The following SLC25A13 variants were observed in gnomAD, a reference collection of about 807,000 sequenced individuals.
SLC25A13 encodes solute carrier family 25 member 13, also known as electrogenic aspartate/glutamate antiporter SLC25A13, mitochondrial.
In SLC25A13, 70 loss-of-function variants were observed where a neutral mutation model predicts 85.5. The ratio of observed to expected loss-of-function variants is 0.82; its 90% confidence interval spans 0.68 to 1.00. SLC25A13 has a LOEUF of 1.00. SLC25A13 is among the 50% of genes least tolerant of loss of function. The probability of loss-of-function intolerance (pLI) is 0.00; values close to 1 mark genes in which losing one functional copy is unlikely to be tolerated. For synonymous variants in SLC25A13, 259 were observed against 288.7 expected, an observed-to-expected ratio of 0.90 and a Z score of 1.04; for missense variants, 765 against 819.8, an observed-to-expected ratio of 0.93 and a Z score of 0.82.
chr7:96,184,546 T>G, intron 10 of SLC25A13, 111 bp from the exon 11 acceptor site: 1 of 1,047,958 alleles, frequency 9.5e-7, no homozygotes, highest in Non-Finnish European at 1.4e-6. Flanking sequence ...TTTTGAATTT[T>G]AAATACAGAT....
At chr7:96,211,499 T>C (rs941491535) in intron 4 of SLC25A13, among the ~76,000 whole-genome samples, 3 of 152,216 alleles carry the variant, frequency 2.0e-5, no homozygotes, top group Admixed American at 6.5e-5. Context: ...CATTACATAG[T>C]ATGCATATGT....
chr7:96,132,939 T>G (rs1279824587), intron 14 of SLC25A13, among the ~76,000 whole-genome samples: 2 of 152,240 alleles, frequency 1.3e-5, no homozygotes, highest in African/African-American at 2.4e-5. Flanking sequence ...TTTGTTTTCC[T>G]GACACGCACA....
chr7:96,218,630 A>G (rs931912186), intron 4 of SLC25A13, among the ~76,000 whole-genome samples: 1 of 152,230 alleles, frequency 6.6e-6, no homozygotes, highest in African/African-American at 2.4e-5. Flanking sequence ...TCTATGAAAA[A>G]GAGTTTCTCA....
At chr7:96,167,628 T>C (rs866517572) in intron 13 of SLC25A13, among the ~76,000 whole-genome samples, 1 of 152,174 alleles carries the variant, frequency 6.6e-6, no homozygotes, top group Admixed American at 6.5e-5. Flanking sequence ...CACCTAGCAA[T>C]GCTTGGATGA....
At chr7:96,134,801 A>G (rs1462235868) in intron 14 of SLC25A13, among the ~76,000 whole-genome samples, 1 of 143,662 alleles carries the variant, frequency 7.0e-6, no homozygotes, top group Non-Finnish European at 1.5e-5. Context: ...TTTTATATAT[A>G]TATATATATA....
intron 9 of SLC25A13, among the ~76,000 whole-genome samples, chr7:96,187,990 C>T (rs1462015077): frequency 6.6e-6 from 1 of 152,174 alleles, no homozygotes; most frequent in East Asian, 1.9e-4. Context: ...TATCAACAAG[C>T]ACCCATCATA....
intron 2 of SLC25A13, among the ~76,000 whole-genome samples, chr7:96,291,747 A>C (rs1350705141): frequency 6.6e-6 from 1 of 152,228 alleles, no homozygotes; most frequent in Non-Finnish European, 1.5e-5. Context: ...GAATCCCTGA[A>C]TAGACCAATA....
chr7:96,234,767 A>G (rs1320756192), intron 4 of SLC25A13, 35 bp downstream of exon 4: 4 of 1,502,664 alleles, frequency 2.7e-6, no homozygotes, highest in Non-Finnish European at 3.7e-6. Context: ...ACAAGTCCAC[A>G]CTTACACAGA....
chr7:96,234,004 C>A (rs759803477), intron 4 of SLC25A13, among the ~76,000 whole-genome samples: 10 of 152,172 alleles, frequency 6.6e-5, no homozygotes, highest in Non-Finnish European at 1.2e-4. Flanking sequence ...GCCTAAAGGG[C>A]TCCAAAATTC....
chr7:96,233,111 T>C (rs1191113721), intron 4 of SLC25A13, among the ~76,000 whole-genome samples: 1 of 152,180 alleles, frequency 6.6e-6, no homozygotes, highest in Non-Finnish European at 1.5e-5. Context: ...TGAAGCCCAT[T>C]TCTCAGTCCT....
intron 3 of SLC25A13, among the ~76,000 whole-genome samples, chr7:96,262,054 G>A (rs1797874097): frequency 6.6e-6 from 1 of 152,112 alleles, no homozygotes; most frequent in Admixed American, 6.6e-5. Flanking sequence ...TGAACTTTCA[G>A]GACACATTCA....
chr7:96,131,748 A>G lies in SLC25A13; in HGVS notation c.1586T>C (p.Ile529Thr). ...ACTCCATGGGGGACACTCACCAGCT[A>G]TGGCACCAGCTAAGAGCAGGCTTCC... The part of the protein sequence containing the change: ...SPGSLLLAGA[I>T]AGMPAASLVT... Residue 529 changes from isoleucine (I) to threonine (T), a missense_variant, in exon 15 of 18, where the codon ATA becomes ACA. Physicochemically the swap from Ile to Thr is moderately conservative, Grantham distance 89 (BLOSUM62 -1). Transcript: ENST00000265631. The G allele has an allele frequency of 6.2e-7, 1 of 1,614,052 alleles. No individual in the cohort carries two copies. Among genetic ancestry groups the G allele is most frequent in the Non-Finnish European group, 8.5e-7 (1 of 1,179,972 alleles).
chr7:96,165,916 G>A (rs1351774298), intron 13 of SLC25A13, among the ~76,000 whole-genome samples: 2 of 152,220 alleles, frequency 1.3e-5, no homozygotes, highest in Admixed American at 6.5e-5. Flanking sequence ...TGTATGAGAT[G>A]AGTAATAAAA....
chr7:96,216,912 A>G (rs1448954888), intron 4 of SLC25A13, among the ~76,000 whole-genome samples: 1 of 152,208 alleles, frequency 6.6e-6, no homozygotes, highest in African/African-American at 2.4e-5. Flanking sequence ...AAAGTTTAAA[A>G]AAAAGAGAGA....
At chr7:96,289,558 C>A (rs1323009749) in intron 2 of SLC25A13, among the ~76,000 whole-genome samples, 1 of 152,126 alleles carries the variant, frequency 6.6e-6, no homozygotes, top group African/African-American at 2.4e-5. Flanking sequence ...GTAGAGAAGT[C>A]CTTAAATGAC....
chr7:96,283,598 G>A lies in SLC25A13; in HGVS notation c.70-6260C>T, dbSNP rs539962191. 19 of 316,692 alleles carry A rather than the reference G, an allele frequency of 6.0e-5. No individual in the cohort carries two copies. In the East Asian group the frequency reaches 1.6e-3, roughly 27 times the overall value. The allele number at this position is 316,692 out of a possible 1,614,324, so 19.6% of individuals were successfully genotyped here. Reference sequence around the variant, plus strand: ...GCACTGTTGTAAACAACAAGTTAAGGGCAAGACTCTTGCTAAGAGAATCAA... The same window carrying A: ...GCACTGTTGTAAACAACAAGTTAAGAGCAAGACTCTTGCTAAGAGAATCAA... On this transcript the variant is annotated intron_variant, in intron 2 of 17. Coordinates refer to ENST00000265631, the MANE Select transcript of SLC25A13 (RefSeq NM_014251.3).
At chr7:96,180,258 G>T (rs1378647581) in intron 11 of SLC25A13, among the ~76,000 whole-genome samples, 1 of 152,132 alleles carries the variant, frequency 6.6e-6, no homozygotes, top group Non-Finnish European at 1.5e-5. Flanking sequence ...CTCTTTCTGG[G>T]AGATTTTCTT....
intron 3 of SLC25A13, among the ~76,000 whole-genome samples, chr7:96,267,708 G>C (rs907510780): frequency 6.6e-6 from 1 of 151,858 alleles, no homozygotes; most frequent in Non-Finnish European, 1.5e-5. Context: ...CAGCTACTGG[G>C]GAGGCTGAAG....
intron 3 of SLC25A13, among the ~76,000 whole-genome samples, chr7:96,246,286 T>G (rs1797186140): frequency 6.6e-6 from 1 of 152,258 alleles, no homozygotes. Flanking sequence ...TTTTAGTTAA[T>G]GCCCATATTA....
Sources: allele counts gnomAD v4.1 joint callset (sites outside exome capture counted in the v4.1 genomes callset), GRCh38; gene constraint gnomAD v4.1.1; transcripts MANE v1.5; gene names NCBI Gene and HGNC (gene_info 2026-07-23, HGNC 2026-07-21).